The following TTC39B variants were observed in gnomAD, a reference collection of about 807,000 sequenced individuals.
TTC39B encodes tetratricopeptide repeat protein 39B.
A neutral mutation model predicts 96.6 loss-of-function variants in TTC39B; 92 were observed. That is an observed-to-expected ratio of 0.95 (90% CI 0.80 to 1.13). TTC39B has a LOEUF of 1.13. Ranked by LOEUF, TTC39B falls within the 50% of genes most tolerant of loss-of-function variation. TTC39B has a pLI of 0.00. For missense variants in TTC39B, 955 were observed against 809.3 expected (o/e 1.18, Z -2.18); for synonymous variants, 367 against 299.4 (o/e 1.23, Z -2.33).
chr9:15,242,241 C>T (rs1822076531), intron 2 of TTC39B, among the ~76,000 whole-genome samples: 1 of 152,160 alleles, frequency 6.6e-6, no homozygotes, highest in African/African-American at 2.4e-5. Flanking sequence ...ACCAGTCACA[C>T]CTGGCCTATC....
intron 3 of TTC39B, among the ~76,000 whole-genome samples, chr9:15,217,229 C>T (rs530828929): frequency 2.0e-4 from 31 of 152,300 alleles, no homozygotes; most frequent in Non-Finnish European, 4.0e-4. Context: ...TTCTCAACAT[C>T]CGTTCCCTTC....
chr9:15,304,437 A>G (rs2199599), intron 1 of TTC39B, among the ~76,000 whole-genome samples: 22,265 of 152,142 alleles, frequency 0.15, 2,787 homozygotes, highest in African/African-American at 0.34. Context: ...TTTGCCTCCA[A>G]TGAGGATGCA....
At chr9:15,280,796 T>A (rs988286897) in intron 1 of TTC39B, among the ~76,000 whole-genome samples, 2 of 152,148 alleles carry the variant, frequency 1.3e-5, no homozygotes, top group African/African-American at 4.8e-5. Context: ...TCCTTCCCAA[T>A]TCCAAAAGTA....
chr9:15,203,884 A>G (rs1472615317), exon 7 of TTC39B: 1 of 1,613,084 alleles, frequency 6.2e-7, no homozygotes, highest in South Asian at 1.1e-5. Context: ...TTCAGCATGC[A>G]TTTCCTCTAC....
chr9:15,252,890 T>C (rs1007529100), intron 2 of TTC39B, among the ~76,000 whole-genome samples: 17 of 152,148 alleles, frequency 1.1e-4, no homozygotes, highest in Non-Finnish European at 1.8e-4. Context: ...TTTCCAAGAG[T>C]TTCTTAGCTT....
chr9:15,279,681 G>A (rs565482817), intron 1 of TTC39B, among the ~76,000 whole-genome samples: 16 of 152,224 alleles, frequency 1.1e-4, no homozygotes, highest in African/African-American at 3.6e-4. Flanking sequence ...CTCGTGAGTG[G>A]CACTGTGTGC....
intron 1 of TTC39B, among the ~76,000 whole-genome samples, chr9:15,302,539 CAAAAAAAAAAAAAA>C (rs145173046): frequency 1.9e-4 from 9 of 46,760 alleles, no homozygotes; most frequent in African/African-American, 8.8e-4. Flanking sequence ...GATTCCGTCT[CAAAAAAAAAAAAAA>C]AAAAAAAAAA....
exon 1 of TTC39B, chr9:15,307,144 G>A: frequency 6.2e-7 from 1 of 1,607,584 alleles, no homozygotes; most frequent in Non-Finnish European, 8.5e-7. Context: ...TCTGGCTGCT[G>A]CCACCCAAAA....
chr9:15,175,647 A>C (rs1478205839), intron 18 of TTC39B, among the ~76,000 whole-genome samples: 1 of 152,234 alleles, frequency 6.6e-6, no homozygotes, highest in Non-Finnish European at 1.5e-5. Context: ...TACAACTAAC[A>C]CCATTTCAAA....
chr9:15,174,991 T>A, intron 19 of TTC39B, 28 bp downstream of exon 19: 1 of 1,475,086 alleles, frequency 6.8e-7, no homozygotes. Flanking sequence ...TCCATAACAA[T>A]CAAGGAAAAG....
intron 1 of TTC39B, among the ~76,000 whole-genome samples, chr9:15,300,610 T>C (rs1824549333): frequency 1.3e-5 from 2 of 152,142 alleles, no homozygotes; most frequent in Admixed American, 6.5e-5. Context: ...ATGTGGCTGG[T>C]TGCAGTGGCT....
intron 2 of TTC39B, among the ~76,000 whole-genome samples, chr9:15,231,116 T>C (rs1486533579): frequency 6.6e-6 from 1 of 152,234 alleles, no homozygotes; most frequent in Non-Finnish European, 1.5e-5. Context: ...AACTTTATGT[T>C]TGACATTTTG....
At chr9:15,195,833 T>C (rs1277651099) in intron 8 of TTC39B, among the ~76,000 whole-genome samples, 1 of 152,186 alleles carries the variant, frequency 6.6e-6, no homozygotes, top group Non-Finnish European at 1.5e-5. Context: ...TGGAAGAAGA[T>C]GCTATCTAGA....
intron 1 of TTC39B, among the ~76,000 whole-genome samples, chr9:15,305,694 C>T (rs111564567): frequency 4.6e-5 from 7 of 150,558 alleles, no homozygotes; most frequent in African/African-American, 1.7e-4. Context: ...GCTAATGCAT[C>T]TCAACCGTTC....
chr9:15,272,988 C>G (rs899977455), intron 1 of TTC39B, among the ~76,000 whole-genome samples: 2 of 152,176 alleles, frequency 1.3e-5, no homozygotes, highest in Non-Finnish European at 2.9e-5. Context: ...CCATCCTGAT[C>G]GTAGAACTGA....
Position 15,180,616 on chromosome 9 carries a change from G to C in TTC39B, c.1723+1691C>G, listed in dbSNP as rs562142521. Among the ~76,000 whole-genome samples, 15 of 152,206 alleles carry C rather than the reference G, an allele frequency of 9.9e-5. No homozygotes were observed. The South Asian group carries it at 3.1e-3, about 32-fold the overall frequency. On this transcript the variant is annotated intron_variant, in intron 17 of 19. Coordinates refer to ENST00000512701, the Ensembl canonical transcript of TTC39B. ...TTTCCAATAATGGGGGTGGGGGATG[G>C]GGTGGAAGATGATGTAACCTCAGGT...
At chr9:15,239,405 C>A (rs1821934743) in intron 2 of TTC39B, among the ~76,000 whole-genome samples, 1 of 152,090 alleles carries the variant, frequency 6.6e-6, no homozygotes, top group South Asian at 2.1e-4. Context: ...GACAGCAATC[C>A]CACTGCCTGG....
rs1817533500 is a variant in TTC39B, at chr9:15,166,999, TATATATATATATATA to T, written c.*5005_*5019del. Reference sequence around the variant, plus strand: ...CCTTTATTTTATATATATATATATATATATATATATATATATATATATATATATATTTTTTTTTTT... The same window carrying T: ...CCTTTATTTTATATATATATATATATTATATATATATATATTTTTTTTTTT... On this transcript the variant is annotated 3_prime_UTR_variant, in exon 20 of 20. Transcript: ENST00000512701. The T allele has an allele frequency of 7.7e-4, 5 of 6,460 alleles. 1 individual carries two copies. The highest frequency in any genetic ancestry group is 1.0e-3 in the African/African-American group (2 of 1,956). The allele number at this position is 6,460 out of a possible 1,614,324, so 0.4% of individuals were successfully genotyped here. A position where few individuals can be genotyped will look rare whatever the true frequency, so the allele number is the denominator to read the frequency against.
At chr9:15,190,902 A>T (rs1818821913) in intron 10 of TTC39B, among the ~76,000 whole-genome samples, 1 of 152,004 alleles carries the variant, frequency 6.6e-6, no homozygotes, top group Non-Finnish European at 1.5e-5. Flanking sequence ...TTAAGAAAGC[A>T]TAGGAAACCA....
Sources: gnomAD v4.1 joint callset for allele counts (sites outside exome capture counted in the v4.1 genomes callset) on GRCh38, gnomAD v4.1.1 for gene constraint, MANE v1.5 for transcripts, NCBI Gene and HGNC (gene_info 2026-07-23, HGNC 2026-07-21) for gene names.